Variants in CAV1 observed in about 807,000 individuals in gnomAD.
The protein encoded by CAV1 is caveolin 1.
CAV1 carries 10 observed loss-of-function variants against 16.5 expected under a neutral mutation model. The ratio of observed to expected loss-of-function variants is 0.61; its 90% CI spans 0.37 to 1.03. The LOEUF (loss-of-function observed/expected upper bound fraction) is 1.03. Among genes scored for constraint, CAV1 ranks in the 50% least tolerant of loss-of-function variants. The probability of loss-of-function intolerance (pLI) is 0.01; values close to 1 mark genes in which losing one functional copy is unlikely to be tolerated. For missense variants in CAV1, 212 were observed against 232.8 expected (o/e 0.91, Z 0.58); for synonymous variants, 76 against 85.1 (o/e 0.89, Z 0.59).
At chr7:116,531,744 A>G (rs1050902777) in intron 2 of CAV1, among the ~76,000 whole-genome samples, 2 of 152,160 alleles carry the variant, frequency 1.3e-5, no homozygotes, top group Non-Finnish European at 2.9e-5. Context: ...CACCATGTTA[A>G]TATCTTTTTC....
At chr7:116,555,484 A>AAAGAAAAGAAAGAAAGAAAGAAAG (rs1491140702) in intron 2 of CAV1, among the ~76,000 whole-genome samples, 1 of 6,062 alleles carries the variant, frequency 1.6e-4, no homozygotes, top group Non-Finnish European at 3.6e-4. Flanking sequence ...AGGAGGAAAG[A>AAAGAAAAGAAAGAAAGAAAGAAAG]AAAGAAAGAA....
chr7:116,526,617 G>C lies in CAV1; in HGVS notation c.123G>C (p.Val41=). ...CAGACGAGCTGAGCGAGAAGCAAGT[G>C]TACGACGCGCACACCAAGGAGATCG... ...AMADELSEKQ[V]YDAHTKEIDL... Residue 41 remains valine, a synonymous_variant, in exon 2 of 3, where the codon GTG becomes GTC. Transcript: ENST00000341049. The C allele has an allele frequency of 6.2e-7, 1 of 1,614,162 alleles. No homozygotes were observed. Among genetic ancestry groups the C allele is most frequent in the East Asian group, 2.2e-5 (1 of 44,876 alleles).
At chr7:116,551,602 C>G (rs1794163503) in intron 2 of CAV1, among the ~76,000 whole-genome samples, 1 of 152,156 alleles carries the variant, frequency 6.6e-6, no homozygotes, top group South Asian at 2.1e-4. Context: ...AAGAAATCAT[C>G]ATCAGAAGTG....
At chr7:116,525,305 T>C in intron 1 of CAV1, 1 of 1,553,560 alleles carries the variant, frequency 6.4e-7, no homozygotes, top group South Asian at 1.2e-5. Context: ...AGAGGGGGCC[T>C]AGGGAGCCCC....
At chr7:116,557,117 G>A (rs907293489) in intron 2 of CAV1, among the ~76,000 whole-genome samples, 1 of 152,156 alleles carries the variant, frequency 6.6e-6, no homozygotes, top group Admixed American at 6.5e-5. Context: ...TTTACCCTGT[G>A]TCTAGATCCA....
At chr7:116,548,406 TGC>T (rs1201615831) in intron 2 of CAV1, among the ~76,000 whole-genome samples, 3 of 152,188 alleles carry the variant, frequency 2.0e-5, no homozygotes, top group African/African-American at 7.2e-5. Flanking sequence ...AGAGTTAGGT[TGC>T]TGAGGAGTAA....
intron 2 of CAV1, among the ~76,000 whole-genome samples, chr7:116,557,193 C>T (rs534733261): frequency 6.6e-6 from 1 of 152,214 alleles, no homozygotes; most frequent in Non-Finnish European, 1.5e-5. Flanking sequence ...GTGGCCATGC[C>T]GTTTTTTTCA....
intron 1 of CAV1, 43 bp from the exon 2 acceptor site, chr7:116,526,473 ACCGCCGTTG>A: frequency 6.2e-7 from 1 of 1,611,192 alleles, no homozygotes; most frequent in Non-Finnish European, 8.5e-7. Context: ...TTTTCCTCCC[ACCGCCGTTG>A]CCGCCCTCCC....
rs559667943 is a variant in CAV1, at chr7:116,555,143, A to G, written c.196-3803A>G. ...TTAGTTCCTCTTATTACAATTGTCTATTTAAAAACCTAGTCACAGCCCGGT... is the reference window on the plus strand; with the variant it reads ...TTAGTTCCTCTTATTACAATTGTCTGTTTAAAAACCTAGTCACAGCCCGGT... On this transcript the variant is annotated intron_variant, in intron 2 of 2. Coordinates refer to ENST00000341049, the MANE Select transcript of CAV1 (RefSeq NM_001753.5). Among the ~76,000 whole-genome samples, 4 of 152,128 alleles carry G rather than the reference A, an allele frequency of 2.6e-5. No individual in the cohort carries two copies. The South Asian group carries it at 8.3e-4, about 32-fold the overall frequency.
chr7:116,526,498 T>C (rs1291278628), intron 1 of CAV1, 27 bp from the exon 2 acceptor site: 1 of 1,613,548 alleles, frequency 6.2e-7, no homozygotes, highest in Non-Finnish European at 8.5e-7. Context: ...CTCCCCGTCC[T>C]GGCCGTCCGC....
chr7:116,539,907 C>A (rs1793902421), intron 2 of CAV1, among the ~76,000 whole-genome samples: 1 of 152,124 alleles, frequency 6.6e-6, no homozygotes, highest in Non-Finnish European at 1.5e-5. Context: ...GAGAAGTCCC[C>A]TGGCAAGGGA....
intron 2 of CAV1, among the ~76,000 whole-genome samples, chr7:116,555,057 A>T (rs1794231461): frequency 6.6e-6 from 1 of 152,164 alleles, no homozygotes; most frequent in Non-Finnish European, 1.5e-5. Flanking sequence ...ACAAATAGAA[A>T]TTAGCTCTTT....
intron 2 of CAV1, among the ~76,000 whole-genome samples, chr7:116,528,240 G>A (rs1336729784): frequency 2.6e-5 from 4 of 152,088 alleles, no homozygotes; most frequent in African/African-American, 7.2e-5. Flanking sequence ...GAGTCAGAGA[G>A]GCCAACAGTG....
intron 2 of CAV1, among the ~76,000 whole-genome samples, chr7:116,536,656 G>A (rs1793823000): frequency 6.6e-6 from 1 of 152,184 alleles, no homozygotes; most frequent in Non-Finnish European, 1.5e-5. Flanking sequence ...TCCAGCAAAG[G>A]CATTTGTCTC....
intron 2 of CAV1, among the ~76,000 whole-genome samples, chr7:116,535,147 C>T (rs1383077041): frequency 6.6e-6 from 1 of 152,192 alleles, no homozygotes; most frequent in African/African-American, 2.4e-5. Context: ...TCCAGGCATG[C>T]TCAGAAGTGT....
intron 2 of CAV1, among the ~76,000 whole-genome samples, chr7:116,539,452 T>C (rs1175527280): frequency 6.6e-6 from 1 of 152,162 alleles, no homozygotes; most frequent in Non-Finnish European, 1.5e-5. Flanking sequence ...AGTTAATGTG[T>C]GCTTTGAATG....
At chr7:116,526,301 G>A in intron 1 of CAV1, 1 of 1,379,238 alleles carries the variant, frequency 7.3e-7, no homozygotes, top group Non-Finnish European at 9.5e-7. Flanking sequence ...GCAGAGTACA[G>A]AGGGGTGTGG....
intron 2 of CAV1, among the ~76,000 whole-genome samples, chr7:116,530,640 AT>A (rs1793670088): frequency 6.6e-6 from 1 of 152,194 alleles, no homozygotes; most frequent in African/African-American, 2.4e-5. Flanking sequence ...ACAGGAAGGC[AT>A]TCTAAACGAG....
Position 116,525,046 on chromosome 7 carries a change from T to A in CAV1, c.-17T>A. 6.2e-7 allele frequency: 1 copy of A among 1,614,090 alleles called. No homozygotes were observed. The highest frequency in any genetic ancestry group is 1.7e-5 in the Admixed American group (1 of 60,028). On this transcript the variant is annotated 5_prime_UTR_variant, in exon 1 of 3. Coordinates refer to ENST00000341049, the MANE Select transcript of CAV1 (RefSeq NM_001753.5). ...CAGGGAAACCTCCTCACAGTTTTCA[T>A]CCAGCCACGGGCCAGCATGTCTGGG...
Sources: allele counts gnomAD v4.1 joint callset (sites outside exome capture counted in the v4.1 genomes callset), GRCh38; gene constraint gnomAD v4.1.1; transcripts MANE v1.5; gene names NCBI Gene and HGNC (gene_info 2026-07-23, HGNC 2026-07-21).